TUSC3: variants seen among roughly 807,000 people sequenced by gnomAD.
TUSC3 encodes the protein tumor suppressor candidate 3.
In TUSC3, 45 loss-of-function variants were observed where a neutral mutation model predicts 44.8. The observed-to-expected ratio is 1.00, with a 90% CI of 0.79 to 1.29. The LOEUF (loss-of-function observed/expected upper bound fraction) is 1.29. TUSC3 is among the 50% of genes most tolerant of loss of function. TUSC3 has a pLI of 0.00. For missense variants in TUSC3, 519 were observed against 437.9 expected (o/e 1.19, Z -1.65); for synonymous variants, 212 against 152.9 (o/e 1.39, Z -2.85).
chr8:15,824,455 C>G, the TUSC3 span, among the ~76,000 whole-genome samples: 1 of 133,356 alleles, frequency 7.5e-6, no homozygotes, highest in African/African-American at 2.6e-5. Context: ...CATGTCCCCA[C>G]AAAGGACATG....
chr8:15,677,889 A>G (rs1183334243), intron 6 of TUSC3, among the ~76,000 whole-genome samples: 1 of 152,228 alleles, frequency 6.6e-6, no homozygotes, highest in Non-Finnish European at 1.5e-5. Flanking sequence ...CCTCGTCTGC[A>G]TAAGCACTTT....
At chr8:15,783,622 A>G in the TUSC3 span, among the ~76,000 whole-genome samples, 1 of 152,194 alleles carries the variant, frequency 6.6e-6, no homozygotes, top group Non-Finnish European at 1.5e-5. Flanking sequence ...CACACAATAG[A>G]GAAAGGACAA....
At chr8:15,449,696 G>A (rs1457948679) in intron 1 of TUSC3, among the ~76,000 whole-genome samples, 7 of 152,122 alleles carry the variant, frequency 4.6e-5, no homozygotes. Flanking sequence ...TGATCGCAAG[G>A]AGTCCTTTCA....
chr8:15,823,618 C>G, the TUSC3 span, among the ~76,000 whole-genome samples: 1 of 152,044 alleles, frequency 6.6e-6, no homozygotes, highest in African/African-American at 2.4e-5. Context: ...AAGAAAATAT[C>G]TAGAGTATAA....
At chr8:15,532,104 T>C (rs763270443) in intron 2 of TUSC3, among the ~76,000 whole-genome samples, 2 of 152,186 alleles carry the variant, frequency 1.3e-5, no homozygotes, top group Non-Finnish European at 2.9e-5. Context: ...TTTTTTTCTT[T>C]TCCTTGCAGA....
intron 1 of TUSC3, among the ~76,000 whole-genome samples, chr8:15,615,049 A>C (rs925874346): frequency 2.0e-5 from 3 of 152,104 alleles, no homozygotes; most frequent in Non-Finnish European, 4.4e-5. Context: ...AAAACAGTAT[A>C]GAGATTTCTT....
At chr8:15,781,431 T>C in the TUSC3 span, among the ~76,000 whole-genome samples, 2 of 152,066 alleles carry the variant, frequency 1.3e-5, no homozygotes, top group African/African-American at 2.4e-5. Flanking sequence ...CACTGAGATA[T>C]AACACAATTA....
At chr8:15,421,987 A>C (rs529262393) in intron 1 of TUSC3, among the ~76,000 whole-genome samples, 1 of 152,256 alleles carries the variant, frequency 6.6e-6, no homozygotes, top group East Asian at 1.9e-4. Flanking sequence ...GGAGCATCAT[A>C]ATGTACTAAT....
intron 1 of TUSC3, among the ~76,000 whole-genome samples, chr8:15,612,244 C>T (rs1415926474): frequency 1.3e-5 from 2 of 152,118 alleles, no homozygotes; most frequent in Non-Finnish European, 2.9e-5. Context: ...ACGTGAATAG[C>T]TGCCCCCCTG....
At chr8:15,433,576 A>C (rs1206444562) in intron 1 of TUSC3, among the ~76,000 whole-genome samples, 1 of 151,684 alleles carries the variant, frequency 6.6e-6, no homozygotes, top group African/African-American at 2.4e-5. Flanking sequence ...ACGTATACAC[A>C]CACATACACA....
At chr8:15,673,498 A>G (rs574368454) in intron 5 of TUSC3, among the ~76,000 whole-genome samples, 3 of 152,084 alleles carry the variant, frequency 2.0e-5, no homozygotes, top group African/African-American at 4.8e-5. Flanking sequence ...TACATATGTT[A>G]TCCGATGTAA....
chr8:15,488,067 T>C (rs1479805534), intron 2 of TUSC3, among the ~76,000 whole-genome samples: 1 of 152,124 alleles, frequency 6.6e-6, no homozygotes, highest in African/African-American at 2.4e-5. Context: ...TAAAATGATA[T>C]GCATTTGAGA....
downstream of TUSC3, among the ~76,000 whole-genome samples, chr8:15,767,399 G>A (rs1286906150): frequency 2.7e-5 from 4 of 147,252 alleles, no homozygotes; most frequent in Non-Finnish European, 6.0e-5. Flanking sequence ...TGACAGCAAG[G>A]AATTCCAGGG....
chr8:15,636,029 A>G (rs1239276997), intron 2 of TUSC3, among the ~76,000 whole-genome samples: 1 of 152,186 alleles, frequency 6.6e-6, no homozygotes, highest in African/African-American at 2.4e-5. Flanking sequence ...TGATATGGTT[A>G]GGCCAGTGGC....
chr8:15,758,054 C>G lies in TUSC3; in HGVS notation c.*46+199C>G, dbSNP rs1410541145. Reference sequence around the variant, plus strand: ...GGGAGAAGTCCTCAGATAAAAATGTCTACCAAAAGACTGACACGTGGAGTT... The same window carrying G: ...GGGAGAAGTCCTCAGATAAAAATGTGTACCAAAAGACTGACACGTGGAGTT... On this transcript the variant is annotated intron_variant, in intron 10 of 10. Coordinates refer to ENST00000503731, the MANE Select transcript of TUSC3 (RefSeq NM_006765.4). 2.3e-5 allele frequency: 32 copies of G among 1,382,630 alleles called. 1 individual carries two copies. The South Asian group carries it at 4.8e-4, about 21-fold the overall frequency. 85.6% of individuals were successfully genotyped at this position (1,382,630 alleles called of 1,614,324 possible). A position where few individuals can be genotyped will look rare whatever the true frequency, so the allele number is the denominator to read the frequency against.
chr8:15,545,410 C>T (rs1467325014), intron 1 of TUSC3, among the ~76,000 whole-genome samples: 1 of 151,578 alleles, frequency 6.6e-6, no homozygotes, highest in Admixed American at 6.6e-5. Flanking sequence ...TCTTTGACCT[C>T]TTCTCTAAAG....
rs1805329046 is a variant in TUSC3 at position 15,623,178 on chromosome 8, A to C, written c.237A>C (p.Ala79=). The C allele has an allele frequency of 1.2e-6, 2 of 1,613,648 alleles. No individual in the cohort carries two copies. The highest frequency in any genetic ancestry group is 1.1e-5 in the South Asian group (1 of 91,016). Residue 79 remains alanine, a synonymous_variant, in exon 2 of 11, where the codon GCA becomes GCC. Transcript: ENST00000503731. The stretch of plus-strand genomic sequence containing the variant: ...ATAAATTCCGAAAATTTATAAAGGC[A>C]CCACCTCGAAACTATTCCATGATTG... The part of the protein sequence containing the change: ...NGDKFRKFIK[A]PPRNYSMIVM...
intron 3 of TUSC3, among the ~76,000 whole-genome samples, chr8:15,657,609 C>T (rs991772798): frequency 6.6e-6 from 1 of 152,158 alleles, no homozygotes; most frequent in African/African-American, 2.4e-5. Flanking sequence ...TTGCACCTCC[C>T]CTCTTCTTCT....
intron 7 of TUSC3, 58 bp from the exon 8 acceptor site, chr8:15,743,480 A>G: frequency 6.3e-7 from 1 of 1,580,676 alleles, no homozygotes. Flanking sequence ...TCAGAGCCAG[A>G]AAAATTAATA....
Sources: allele counts gnomAD v4.1 joint callset (sites outside exome capture counted in the v4.1 genomes callset), GRCh38; gene constraint gnomAD v4.1.1; transcripts MANE v1.5; gene names NCBI Gene and HGNC (gene_info 2026-07-23, HGNC 2026-07-21).